The following CAPN5 variants were observed in gnomAD, a reference collection of about 807,000 sequenced individuals.
CAPN5 encodes the protein calpain-5.
In CAPN5, 54 loss-of-function variants were observed where a neutral mutation model predicts 73.0. The observed-to-expected ratio is 0.74, with a 90% CI of 0.59 to 0.93. CAPN5 has a LOEUF of 0.93. CAPN5 is among the 40% of genes least tolerant of loss of function. The pLI is 0.00. For missense variants in CAPN5, 785 were observed against 882.9 expected (o/e 0.89, Z 1.41); for synonymous variants, 335 against 356.9 (o/e 0.94, Z 0.69).
chr11:77,101,404 G>A (rs1474273004), intron 3 of CAPN5, among the ~76,000 whole-genome samples: 2 of 152,148 alleles, frequency 1.3e-5, no homozygotes, highest in African/African-American at 4.8e-5. Flanking sequence ...CCTCTCCCCT[G>A]CCCCTCCAGC....
chr11:77,110,981 C>T (rs902048198), intron 3 of CAPN5, among the ~76,000 whole-genome samples: 5 of 152,180 alleles, frequency 3.3e-5, no homozygotes, highest in Non-Finnish European at 7.4e-5. Context: ...GGCTCAGCTC[C>T]ACTTGGTCCC....
At chr11:77,072,072 CATCAT>C (rs1565253328) in intron 1 of CAPN5, among the ~76,000 whole-genome samples, 2 of 152,212 alleles carry the variant, frequency 1.3e-5, no homozygotes, top group African/African-American at 2.4e-5. Context: ...CCTTCTCATA[CATCAT>C]CACACCCCAT....
intron 1 of CAPN5, among the ~76,000 whole-genome samples, chr11:77,071,070 C>T (rs11603853): frequency 0.14 from 21,404 of 152,138 alleles, 1,574 homozygotes; most frequent in Middle Eastern, 0.23. Flanking sequence ...TCTTTGGGGC[C>T]GTCATTCAGC....
At chr11:77,087,893 C>T (rs909322621) in intron 2 of CAPN5, 2 of 1,535,648 alleles carry the variant, frequency 1.3e-6, no homozygotes, top group Non-Finnish European at 1.7e-6. Context: ...CACCTGCCTT[C>T]AGCCCACACC....
At position 77,122,254 on chromosome 11, in the gene CAPN5, G is replaced by T. The variant is rs188346036; in HGVS notation, c.1603+205G>T. Reference sequence around the variant, plus strand: ...CAGGAGGCTTCCAGCTGGGAGGGAGGCCTCAGGAAAGGCTTCCTGGAGGGA... The same window carrying T: ...CAGGAGGCTTCCAGCTGGGAGGGAGTCCTCAGGAAAGGCTTCCTGGAGGGA... On this transcript the variant is annotated intron_variant, in intron 11 of 12. Coordinates refer to ENST00000648180, the MANE Select transcript of CAPN5 (RefSeq NM_004055.5). 1.9e-3 allele frequency among the ~76,000 whole-genome samples: 295 copies of T among 152,338 alleles called. 2 individuals are homozygous for T. Among genetic ancestry groups the T allele is most frequent in the African/African-American group, 6.9e-3 (285 of 41,572 alleles).
chr11:77,107,975 G>A (rs73493649), intron 3 of CAPN5, among the ~76,000 whole-genome samples: 7,874 of 152,294 alleles, frequency 0.052, 259 homozygotes, highest in African/African-American at 0.092. Flanking sequence ...CTCCAAGGCT[G>A]TCTCCTTTAG....
At chr11:77,106,148 ACTCTC>A (rs1950345210) in intron 3 of CAPN5, among the ~76,000 whole-genome samples, 1 of 151,076 alleles carries the variant, frequency 6.6e-6, no homozygotes, top group Admixed American at 6.6e-5. Context: ...CAACCCCACC[ACTCTC>A]CTGGGTCACA....
At chr11:77,082,859 C>T (rs1555034817) in intron 1 of CAPN5, among the ~76,000 whole-genome samples, 1 of 152,232 alleles carries the variant, frequency 6.6e-6, no homozygotes, top group East Asian at 1.9e-4. Flanking sequence ...ACCCTCTAGG[C>T]TCAGAAACAC....
At chr11:77,102,672 C>T (rs1280093147) in intron 3 of CAPN5, among the ~76,000 whole-genome samples, 9 of 152,252 alleles carry the variant, frequency 5.9e-5, no homozygotes, top group African/African-American at 1.9e-4. Flanking sequence ...CCCTGACACA[C>T]ACCCCATTTT....
At chr11:77,097,221 C>CA (rs112304571) in intron 3 of CAPN5, among the ~76,000 whole-genome samples, 1,780 of 145,926 alleles carry the variant, frequency 0.012, 38 homozygotes, top group African/African-American at 0.04. Flanking sequence ...GACTCCATCT[C>CA]AAAAAAAAAA....
chr11:77,084,697 C>T (rs1464958870), intron 1 of CAPN5, among the ~76,000 whole-genome samples, 155 bp from the exon 2 acceptor site: 3 of 152,212 alleles, frequency 2.0e-5, no homozygotes, highest in South Asian at 2.1e-4. Context: ...GTGTCTGTCC[C>T]ACTCTGCTGT....
chr11:77,093,956 T>C (rs1057470603), intron 3 of CAPN5, 143 bp downstream of exon 3: 67 of 1,174,872 alleles, frequency 5.7e-5, no homozygotes, highest in Non-Finnish European at 7.8e-5. Context: ...CCCCCAGTAC[T>C]GGCCGAGCGT....
intron 3 of CAPN5, among the ~76,000 whole-genome samples, chr11:77,106,277 G>A (rs1473016083): frequency 7.1e-4 from 6 of 8,426 alleles, no homozygotes; most frequent in South Asian, 3.4e-3. Context: ...CCCCACCCCC[G>A]GTCTCTCAGG....
chr11:77,123,710 A>C lies in CAPN5; in HGVS notation c.1763A>C (p.Lys588Thr), dbSNP rs1950546204. The change falls in exon 13 of 13, where the codon AAG becomes ACG. Residue 588 changes from lysine to threonine, a missense_variant. Transcript: ENST00000648180. ...TVQVWNHRVL[K>T]DEFLGQVHLK... ...CAGGTCTGGAACCACCGAGTGCTGA[A>C]GGATGAATTTCTGGGCCAGGTGCAC... 1 of 1,613,668 alleles carries C rather than the reference A, an allele frequency of 6.2e-7. No individual in the cohort carries two copies. The highest frequency in any genetic ancestry group is 8.5e-7 in the Non-Finnish European group (1 of 1,179,918).
At position 77,103,462 on chromosome 11, in the gene CAPN5, T is replaced by C. The variant is rs1172110705; in HGVS notation, c.298-9127T>C. ...GTCCTCTGCTTGCCCAGAGGCCCCC[T>C]GAGTCCCACACCTTTCCTCCTCTGC... On this transcript the variant is annotated intron_variant, in intron 3 of 12. Coordinates refer to ENST00000648180, the MANE Select transcript of CAPN5 (RefSeq NM_004055.5). 2.1e-5 allele frequency: 23 copies of C among 1,079,400 alleles called. No homozygotes were observed. The Admixed American group carries it at 5.3e-4, about 25-fold the overall frequency. The allele number at this position is 1,079,400 out of a possible 1,614,324, so 66.9% of individuals were successfully genotyped here.
chr11:77,073,445 C>G (rs575679182), intron 1 of CAPN5, among the ~76,000 whole-genome samples: 1 of 152,196 alleles, frequency 6.6e-6, no homozygotes, highest in African/African-American at 2.4e-5. Flanking sequence ...GCACCCTGGG[C>G]GGGACCCAAT....
intron 2 of CAPN5, among the ~76,000 whole-genome samples, chr11:77,086,389 T>C (rs930276906): frequency 6.6e-6 from 1 of 152,076 alleles, no homozygotes; most frequent in Non-Finnish European, 1.5e-5. Context: ...GTGTCCTAGA[T>C]CACCCATGAG....
chr11:77,114,483 T>C (rs1331149194), intron 5 of CAPN5, 49 bp downstream of exon 5: 5 of 1,524,826 alleles, frequency 3.3e-6, no homozygotes, highest in Non-Finnish European at 4.5e-6. Context: ...TCACCCTCGC[T>C]GACTGAGATG....
chr11:77,102,292 G>A (rs1950293343), intron 3 of CAPN5, among the ~76,000 whole-genome samples: 1 of 152,192 alleles, frequency 6.6e-6, no homozygotes, highest in South Asian at 2.1e-4. Context: ...TGGTGATTGG[G>A]TGTGGAGGAG....
Sources: gnomAD v4.1 joint callset for allele counts (sites outside exome capture counted in the v4.1 genomes callset) on GRCh38, gnomAD v4.1.1 for gene constraint, MANE v1.5 for transcripts, NCBI Gene and HGNC (gene_info 2026-07-23, HGNC 2026-07-21) for gene names.